The following ICA1L variants were observed in gnomAD, a reference collection of about 807,000 sequenced individuals.
The protein encoded by ICA1L is islet cell autoantigen 1 like, also known as islet cell autoantigen 1-like protein.
Under a neutral mutation model 61.3 loss-of-function variants are expected in ICA1L, and 50 were observed. That is an observed-to-expected ratio of 0.82 (90% confidence interval 0.65 to 1.03). ICA1L has a LOEUF of 1.03. Ranked by LOEUF, ICA1L falls within the 50% of genes least tolerant of loss-of-function variation. ICA1L has a pLI of 0.00. For synonymous variants in ICA1L, 161 were observed against 191.3 expected, an observed-to-expected ratio of 0.84 and a Z score of 1.31; for missense variants, 508 against 556.7, an observed-to-expected ratio of 0.91 and a Z score of 0.88.
chr2:202,866,791 C>T (rs748198945), intron 1 of ICA1L, among the ~76,000 whole-genome samples: 3 of 151,932 alleles, frequency 2.0e-5, no homozygotes, highest in Non-Finnish European at 4.4e-5. Flanking sequence ...ATTAAAAATA[C>T]AAAAAATTAG....
At chr2:202,781,825 G>C (rs1692415502) in intron 12 of ICA1L, among the ~76,000 whole-genome samples, 1 of 152,144 alleles carries the variant, frequency 6.6e-6, no homozygotes, top group South Asian at 2.1e-4. Context: ...TTAAATTTTA[G>C]TAGAAACTGC....
intron 1 of ICA1L, among the ~76,000 whole-genome samples, chr2:202,843,316 A>G (rs1694378554): frequency 6.6e-6 from 1 of 152,164 alleles, no homozygotes; most frequent in Admixed American, 6.5e-5. Flanking sequence ...TGGTTCTGGC[A>G]CTAGTCAGGG....
chr2:202,784,100 C>CAGGAACA (rs1344076803), intron 12 of ICA1L, among the ~76,000 whole-genome samples: 1 of 152,170 alleles, frequency 6.6e-6, no homozygotes, highest in Non-Finnish European at 1.5e-5. Flanking sequence ...CTGGCCAACA[C>CAGGAACA]AGGAACAATG....
chr2:202,794,027 C>T (rs1266343193), intron 10 of ICA1L, among the ~76,000 whole-genome samples: 1 of 150,436 alleles, frequency 6.6e-6, no homozygotes, highest in Non-Finnish European at 1.5e-5. Context: ...AAAATATTAG[C>T]AAGCAGAGTA....
intron 9 of ICA1L, among the ~76,000 whole-genome samples, chr2:202,800,028 C>G (rs1407706308): frequency 1.3e-5 from 2 of 152,004 alleles, no homozygotes; most frequent in South Asian, 4.2e-4. Context: ...CAGGTACGCA[C>G]TGCCACAGTC....
At chr2:202,840,118 C>CAA (rs71030994) in intron 1 of ICA1L, among the ~76,000 whole-genome samples, 20 of 87,176 alleles carry the variant, frequency 2.3e-4, no homozygotes, top group African/African-American at 6.4e-4. Flanking sequence ...TATTTTGGAC[C>CAA]AAAAAAAAAA....
Position 202,774,014 on chromosome 2 carries a change from T to G in ICA1L, c.*5519A>C. 1.1e-6 allele frequency: 1 copy of G among 889,616 alleles called. No individual in the cohort carries two copies. The highest frequency in any genetic ancestry group is 1.7e-6 in the Non-Finnish European group (1 of 577,090). 55.1% of individuals were successfully genotyped at this position (889,616 alleles called of 1,614,324 possible). On this transcript the variant is annotated 3_prime_UTR_variant, in exon 13 of 13. Coordinates refer to ENST00000358299, the MANE Select transcript of ICA1L (RefSeq NM_001288622.3). ...AGAAGAGTTGGCTGTTTTATTTTTT[T>G]AAATTATGAACTAGCGCTGCTCCAC...
intron 10 of ICA1L, among the ~76,000 whole-genome samples, chr2:202,793,916 G>A (rs1422041484): frequency 6.6e-6 from 1 of 150,656 alleles, no homozygotes; most frequent in African/African-American, 2.4e-5. Context: ...AACCTGGGAG[G>A]CAGAAGTTGC....
chr2:202,792,714 G>A (rs984994709), intron 10 of ICA1L, among the ~76,000 whole-genome samples: 2 of 152,114 alleles, frequency 1.3e-5, no homozygotes, highest in Non-Finnish European at 2.9e-5. Context: ...GCTGAGGCAG[G>A]AGAATCACTT....
intron 9 of ICA1L, among the ~76,000 whole-genome samples, chr2:202,805,747 AG>A: frequency 6.6e-6 from 1 of 152,344 alleles, no homozygotes; most frequent in South Asian, 2.1e-4. Context: ...AAAAGGGAGA[AG>A]GAACAAATGA....
chr2:202,854,404 G>A (rs1694715392), intron 1 of ICA1L, among the ~76,000 whole-genome samples: 1 of 152,082 alleles, frequency 6.6e-6, no homozygotes, highest in South Asian at 2.1e-4. Flanking sequence ...AGTTCTTAGA[G>A]ACCTACAAAA....
chr2:202,822,648 A>G (rs551405330), intron 3 of ICA1L, among the ~76,000 whole-genome samples: 1 of 152,224 alleles, frequency 6.6e-6, no homozygotes, highest in Non-Finnish European at 1.5e-5. Context: ...TTATAAGCTT[A>G]AAGTAAATAA....
rs975813627 is a variant in ICA1L, at chr2:202,849,762, AAGG to A, written c.-7-20749_-7-20747del. ...TCTGAAGAGAGCATCTGATCCTGAC[AAGG>A]AGGATTCTCCCAGCACAGCAATTGA... On this transcript the variant is annotated intron_variant, in intron 1 of 12. Transcript: ENST00000358299. This position sits in a 1 kb window ranked among gnomAD's most constrained non-coding sequence, Gnocchi z 4.5. 1.3e-5 allele frequency among the ~76,000 whole-genome samples: 2 copies of A among 152,200 alleles called. No individual in the cohort carries two copies. The highest frequency in any genetic ancestry group is 6.5e-5 in the Admixed American group (1 of 15,278).
chr2:202,779,836 G>A (rs1271099236), intron 12 of ICA1L, among the ~76,000 whole-genome samples, 188 bp from the exon 13 acceptor site: 1 of 149,284 alleles, frequency 6.7e-6, no homozygotes, highest in Non-Finnish European at 1.5e-5. Context: ...TAGAGACTGG[G>A]GTTTCCCTAT....
chr2:202,850,422 A>T (rs1028458263), intron 1 of ICA1L, among the ~76,000 whole-genome samples: 23 of 152,190 alleles, frequency 1.5e-4, no homozygotes, highest in Non-Finnish European at 2.9e-4. Context: ...AACTAGAATA[A>T]CCAGTTTAGA....
intron 9 of ICA1L, among the ~76,000 whole-genome samples, chr2:202,801,377 G>T (rs976687141): frequency 6.6e-6 from 1 of 152,120 alleles, no homozygotes; most frequent in Admixed American, 6.5e-5. Context: ...ATTAAGATAG[G>T]CAGATGAGTG....
chr2:202,871,128 A>C (rs1262475279), intron 1 of ICA1L: 2 of 152,260 alleles, frequency 1.3e-5, no homozygotes, highest in Non-Finnish European at 2.9e-5. Context: ...AGACATTCCC[A>C]TTACAAAATA....
intron 10 of ICA1L, among the ~76,000 whole-genome samples, chr2:202,793,744 T>G (rs1411827162): frequency 6.6e-6 from 1 of 151,426 alleles, no homozygotes; most frequent in African/African-American, 2.4e-5. Context: ...CCCAGCACTT[T>G]GGGAGGCCGA....
intron 3 of ICA1L, 187 bp downstream of exon 3, chr2:202,825,508 G>C: frequency 7.5e-7 from 1 of 1,328,752 alleles, no homozygotes; most frequent in Non-Finnish European, 9.6e-7. Flanking sequence ...ATCTGGGTCA[G>C]AGGATTTGAT....
Sources: gnomAD v4.1 joint callset for allele counts (sites outside exome capture counted in the v4.1 genomes callset) on GRCh38, gnomAD v4.1.1 for gene constraint, Gnocchi (gnomAD v3.1) non-coding constraint, MANE v1.5 for transcripts, NCBI Gene and HGNC (gene_info 2026-07-23, HGNC 2026-07-21) for gene names.